The following NAA25 variants were observed in gnomAD, a reference collection of about 807,000 sequenced individuals.
The protein encoded by NAA25 is N-alpha-acetyltransferase 25, NatB auxiliary subunit, also known as N-terminal acetyltransferase B complex subunit NAA25.
Under a neutral mutation model 132.5 loss-of-function variants are expected in NAA25, and 30 were observed. The observed-to-expected ratio is 0.23, with a 90% confidence interval of 0.17 to 0.31. The LOEUF (loss-of-function observed/expected upper bound fraction) is 0.31. Among genes scored for constraint, NAA25 ranks in the 10% least tolerant of loss-of-function variants. NAA25 has a pLI of 1.00. For missense variants in NAA25, 771 were observed against 1,150.4 expected (o/e 0.67, Z 4.77); for synonymous variants, 359 against 401.9 (o/e 0.89, Z 1.28).
intron 3 of NAA25, chr12:112,090,306 C>T (rs1216163904): frequency 6.5e-6 from 1 of 153,994 alleles, no homozygotes; most frequent in African/African-American, 2.4e-5. Context: ...TCAGAAGAAA[C>T]AATGGACTAC....
intron 14 of NAA25, 61 bp from the exon 15 acceptor site, chr12:112,053,718 TA>T: frequency 6.7e-6 from 8 of 1,189,388 alleles, no homozygotes; most frequent in Non-Finnish European, 8.4e-6. Flanking sequence ...CTAGCTCAAG[TA>T]ACAAATATTA....
In NAA25 at chr12:112,029,352, T is replaced by G. The variant is rs2078120169; in HGVS notation, c.*179A>C. On this transcript the variant is annotated 3_prime_UTR_variant, in exon 24 of 24. Coordinates refer to ENST00000261745, the MANE Select transcript of NAA25 (RefSeq NM_024953.4). ...ATGAGGGTCCCGCTTCTGGTTTATATACAATAATTTAATCAGTTGTATATA... is the reference window on the plus strand; with the variant it reads ...ATGAGGGTCCCGCTTCTGGTTTATAGACAATAATTTAATCAGTTGTATATA... The G allele has an allele frequency of 1.0e-6, 1 of 969,266 alleles. No individual in the cohort carries two copies. The highest frequency in any genetic ancestry group is 1.5e-6 in the Non-Finnish European group (1 of 677,388). 60.0% of individuals were successfully genotyped at this position (969,266 alleles called of 1,614,324 possible).
intron 22 of NAA25, 167 bp from the exon 23 acceptor site, chr12:112,033,546 C>T: frequency 2.2e-6 from 1 of 444,848 alleles, no homozygotes; most frequent in Non-Finnish European, 3.8e-6. Flanking sequence ...TTTGGAGATA[C>T]AAAATAACAC....
rs1230452572 is a variant in NAA25, at chr12:112,047,727, T to C, written c.1944A>G (p.Pro648=). 3 of 1,614,044 alleles carry C rather than the reference T, an allele frequency of 1.9e-6. No individual in the cohort carries two copies. Among genetic ancestry groups the C allele is most frequent in the East Asian group, 2.2e-5 (1 of 44,876 alleles). The change falls in exon 17 of 24, where the codon CCA becomes CCG. Residue 648 remains proline (P), a synonymous_variant. Transcript: ENST00000261745. ...MNLRPEEDDI[P]WEDLRDNRDL... ...CTCTGTTGTCTCGCAAATCTTCCCA[T>C]GGAATGTCATCTTCTTCTGGCCTAA... is the stretch of plus-strand genomic sequence containing the variant.
At position 112,075,299 on chromosome 12, in the gene NAA25, G is replaced by A. The variant is rs2078880360; in HGVS notation, c.776+379C>T. On this transcript the variant is annotated intron_variant, in intron 8 of 23. Coordinates refer to ENST00000261745, the MANE Select transcript of NAA25 (RefSeq NM_024953.4). Reference sequence around the variant, plus strand: ...TGCCTCCCAGGTTCAAGCGATTCTTGTGCCTCAGCTTCCCGAGGGGCTGGG... The same window carrying A: ...TGCCTCCCAGGTTCAAGCGATTCTTATGCCTCAGCTTCCCGAGGGGCTGGG... Among the ~76,000 whole-genome samples the A allele has an allele frequency of 3.3e-5, 5 of 150,934 alleles. 1 individual carries two copies. The South Asian group carries it at 1.0e-3, about 32-fold the overall frequency.
intron 13 of NAA25, among the ~76,000 whole-genome samples, chr12:112,058,212 G>T (rs2078575772): frequency 6.6e-6 from 1 of 151,958 alleles, no homozygotes; most frequent in Non-Finnish European, 1.5e-5. Context: ...GAAGTTCAGA[G>T]GAGCATAAAA....
At chr12:112,098,346 T>G (rs1024463502) in intron 1 of NAA25, among the ~76,000 whole-genome samples, 1 of 152,062 alleles carries the variant, frequency 6.6e-6, no homozygotes, top group Non-Finnish European at 1.5e-5. Flanking sequence ...TTAAAACACT[T>G]TACCACATTC....
intron 22 of NAA25, among the ~76,000 whole-genome samples, chr12:112,036,440 G>A (rs192942081): frequency 4.1e-4 from 63 of 152,272 alleles, no homozygotes; most frequent in Non-Finnish European, 7.2e-4. Context: ...ATATTTGGAT[G>A]CAGGGTTCTC....
In NAA25 at chr12:112,108,703, C is replaced by T. The variant is rs1357618256; in HGVS notation, c.58+13G>A. On this transcript the variant is annotated intron_variant, in intron 1 of 23. Coordinates refer to ENST00000261745, the MANE Select transcript of NAA25 (RefSeq NM_024953.4). ...GCGTCGGGCTGGCGAGCGGGCTGGT[C>T]CAAGACACTCACCGTAAATGGGCCG... is the stretch of plus-strand genomic sequence containing the variant. 4.0e-6 allele frequency: 6 copies of T among 1,518,414 alleles called. No homozygotes were observed. The highest frequency in any genetic ancestry group is 3.8e-4 in the Middle Eastern group (2 of 5,314). The allele number at this position is 1,518,414 out of a possible 1,614,324, so 94.1% of individuals were successfully genotyped here. A position where few individuals can be genotyped will look rare whatever the true frequency, so the allele number is the denominator to read the frequency against.
intron 18 of NAA25, 73 bp from the exon 19 acceptor site, chr12:112,043,284 C>A: frequency 6.8e-7 from 1 of 1,462,402 alleles, no homozygotes; most frequent in Non-Finnish European, 9.1e-7. Flanking sequence ...AATCAGGTAA[C>A]TAGTAGATAA....
intron 10 of NAA25, 53 bp downstream of exon 10, chr12:112,071,842 C>T: frequency 8.8e-7 from 1 of 1,130,884 alleles, no homozygotes; most frequent in Non-Finnish European, 1.1e-6. Flanking sequence ...ATGAATATAG[C>T]ACTTGGGTAT....
intron 22 of NAA25, among the ~76,000 whole-genome samples, 198 bp downstream of exon 22, chr12:112,039,030 TA>T (rs1316695122): frequency 6.6e-6 from 1 of 151,566 alleles, no homozygotes; most frequent in South Asian, 2.1e-4. Flanking sequence ...TGATGAGCTT[TA>T]AAAAAAAACT....
chr12:112,084,334 A>C (rs1260070315), intron 4 of NAA25, among the ~76,000 whole-genome samples: 1 of 152,242 alleles, frequency 6.6e-6, no homozygotes, highest in Non-Finnish European at 1.5e-5. Flanking sequence ...GCAATGGAAA[A>C]TCAACAATGA....
At chr12:112,083,479 G>A (rs531799651) in intron 4 of NAA25, among the ~76,000 whole-genome samples, 2 of 151,636 alleles carry the variant, frequency 1.3e-5, no homozygotes, top group Non-Finnish European at 2.9e-5. Context: ...CAATTCAGCT[G>A]GTGCTGAATT....
intron 13 of NAA25, among the ~76,000 whole-genome samples, chr12:112,056,399 A>G (rs2078546890): frequency 6.6e-6 from 1 of 152,054 alleles, no homozygotes; most frequent in South Asian, 2.1e-4. Context: ...TAAATAAATA[A>G]TACAAAAACT....
intron 1 of NAA25, among the ~76,000 whole-genome samples, chr12:112,102,302 G>C (rs2079306515): frequency 6.6e-6 from 1 of 152,106 alleles, no homozygotes; most frequent in African/African-American, 2.4e-5. Context: ...GAGCTCAGGA[G>C]GTCGAAGCTG....
At chr12:112,047,389 G>A (rs1426824391) in intron 17 of NAA25, among the ~76,000 whole-genome samples, 2 of 151,766 alleles carry the variant, frequency 1.3e-5, no homozygotes, top group East Asian at 1.9e-4. Flanking sequence ...ACGCCACCAC[G>A]CCCAGGTAAT....
At chr12:112,074,971 A>C (rs1346978490) in intron 8 of NAA25, among the ~76,000 whole-genome samples, 4 of 151,918 alleles carry the variant, frequency 2.6e-5, no homozygotes, top group Admixed American at 6.6e-5. Flanking sequence ...GTAGTAAACT[A>C]CTCTTTCCTT....
intron 22 of NAA25, among the ~76,000 whole-genome samples, chr12:112,036,573 G>C (rs1336309949): frequency 6.6e-6 from 1 of 152,082 alleles, no homozygotes. Context: ...TGTAGGCCAG[G>C]CATGGTGACT....
Sources: allele counts gnomAD v4.1 joint callset (sites outside exome capture counted in the v4.1 genomes callset), GRCh38; gene constraint gnomAD v4.1.1; transcripts MANE v1.5; gene names NCBI Gene and HGNC (gene_info 2026-07-23, HGNC 2026-07-21).